CBFB: variants seen among roughly 807,000 people sequenced by gnomAD.
The protein encoded by CBFB is core-binding factor subunit beta.
CBFB carries 9 observed loss-of-function variants against 30.4 expected under a neutral mutation model. That is an observed-to-expected ratio of 0.30 (90% CI 0.18 to 0.52). CBFB has a LOEUF of 0.52. Among genes scored for constraint, CBFB ranks in the 20% least tolerant of loss-of-function variants. CBFB has a pLI of 0.97. For synonymous variants in CBFB, 94 were observed against 84.0 expected (o/e 1.12, Z -0.65); for missense variants, 170 against 244.0 (o/e 0.70, Z 2.02).
Position 67,053,008 on chromosome 16 carries a change from CA to C in CBFB, c.283-13660del, listed in dbSNP as rs574234817. Reference sequence around the variant, plus strand: ...CATACCACAGAGCAAGATGCTATCTCAAAAAAAAAAAAAAGAAAAAAAGAGA... The same window carrying C: ...CATACCACAGAGCAAGATGCTATCTCAAAAAAAAAAAAAGAAAAAAAGAGA... On this transcript the variant is annotated intron_variant, in intron 3 of 5. Transcript: ENST00000412916. Among the ~76,000 whole-genome samples, 475 of 121,818 alleles carry C rather than the reference CA, an allele frequency of 3.9e-3. 1 individual carries two copies. The highest frequency in any genetic ancestry group is 4.9e-3 in the Non-Finnish European group (282 of 57,274). 79.9% of individuals were successfully genotyped at this position (121,818 alleles called of 152,430 possible).
chr16:67,087,209 T>G (rs1017659260), intron 5 of CBFB, among the ~76,000 whole-genome samples: 3 of 152,228 alleles, frequency 2.0e-5, no homozygotes, highest in Non-Finnish European at 4.4e-5. Flanking sequence ...ATGGAACAAC[T>G]GTTGAAAGCT....
chr16:67,058,054 A>C (rs775240215), intron 3 of CBFB, among the ~76,000 whole-genome samples: 3 of 152,192 alleles, frequency 2.0e-5, no homozygotes, highest in Non-Finnish European at 4.4e-5. Flanking sequence ...ATTTTGTTGA[A>C]GATTACTTTG....
At chr16:67,091,235 G>A (rs1961872202) in intron 5 of CBFB, among the ~76,000 whole-genome samples, 1 of 152,176 alleles carries the variant, frequency 6.6e-6, no homozygotes, top group South Asian at 2.1e-4. Context: ...ACTTTATTAA[G>A]ATTTATTTTT....
rs184995855 is a variant in CBFB at position 67,057,357 on chromosome 16, G to T, written c.283-9325G>T. Among the ~76,000 whole-genome samples, 220 of 152,296 alleles carry T rather than the reference G, an allele frequency of 1.4e-3. 3 individuals carry two copies. Among genetic ancestry groups the T allele is most frequent in the Non-Finnish European group, 2.0e-3 (135 of 68,026 alleles). On this transcript the variant is annotated intron_variant, in intron 3 of 5. Transcript: ENST00000412916. ...CAGCTCATTATCATTGGGCGTCTAGGTTATTTCTGATCATTTACCATTATT... is the reference window on the plus strand; with the variant it reads ...CAGCTCATTATCATTGGGCGTCTAGTTTATTTCTGATCATTTACCATTATT...
intron 2 of CBFB, among the ~76,000 whole-genome samples, chr16:67,032,887 G>A (rs1016819354): frequency 1.3e-5 from 2 of 152,162 alleles, no homozygotes; most frequent in Admixed American, 6.5e-5. Flanking sequence ...GTATCAGTGA[G>A]GTTAATGAAG....
intron 4 of CBFB, among the ~76,000 whole-genome samples, chr16:67,080,047 A>T (rs1289341886): frequency 6.6e-6 from 1 of 152,178 alleles, no homozygotes; most frequent in East Asian, 1.9e-4. Context: ...AGCAGAGATC[A>T]CACTGCTGTA....
chr16:67,079,991 G>A (rs1029789268), intron 4 of CBFB, among the ~76,000 whole-genome samples: 6 of 152,076 alleles, frequency 3.9e-5, no homozygotes, highest in African/African-American at 1.2e-4. Context: ...CCAGCTACTC[G>A]GGAGGCTGAA....
chr16:67,033,613 CT>C (rs1186367448), intron 2 of CBFB, among the ~76,000 whole-genome samples: 8,799 of 139,568 alleles, frequency 0.063, 352 homozygotes, highest in African/African-American at 0.13. Context: ...CTTATCAATT[CT>C]TTTTTTTTTT....
At chr16:67,034,510 A>G (rs1361993081) in intron 2 of CBFB, among the ~76,000 whole-genome samples, 2 of 152,230 alleles carry the variant, frequency 1.3e-5, no homozygotes, top group East Asian at 3.8e-4. Flanking sequence ...TCATTAAAAG[A>G]ATTCCATGGT....
At chr16:67,041,390 T>A (rs948916876) in intron 3 of CBFB, among the ~76,000 whole-genome samples, 2 of 152,172 alleles carry the variant, frequency 1.3e-5, no homozygotes, top group South Asian at 4.1e-4. Context: ...GTAGAGGTAG[T>A]GAGAAATGGT....
chr16:67,042,991 C>CTCCCAAAGTGCTGGCCA, intron 3 of CBFB, among the ~76,000 whole-genome samples: 1 of 152,316 alleles, frequency 6.6e-6, no homozygotes, highest in South Asian at 2.1e-4. Flanking sequence ...CTGCCTCAGC[C>CTCCCAAAGTGCTGGCCA]TCCCAAAGTG....
At chr16:67,079,121 A>G (rs1230810543) in intron 4 of CBFB, among the ~76,000 whole-genome samples, 2 of 152,218 alleles carry the variant, frequency 1.3e-5, no homozygotes, top group Non-Finnish European at 2.9e-5. Flanking sequence ...CAAATGTTTG[A>G]ATTTTATGTA....
intron 3 of CBFB, 110 bp from the exon 4 acceptor site, chr16:67,066,572 A>T: frequency 1.8e-6 from 1 of 564,224 alleles, no homozygotes; most frequent in Non-Finnish European, 3.2e-6. Context: ...TCAATCAGTC[A>T]ATCATAATTT....
In CBFB at chr16:67,100,773, A is replaced by G. The variant is rs1350171512; in HGVS notation, c.*1995A>G. On this transcript the variant is annotated 3_prime_UTR_variant, in exon 6 of 6. Transcript: ENST00000412916. Reference sequence around the variant, plus strand: ...AATGTAAATACTGGATTTTTCTGTCATTTAGCACCATGCTGCTTCTGTCTG... The same window carrying G: ...AATGTAAATACTGGATTTTTCTGTCGTTTAGCACCATGCTGCTTCTGTCTG... 1 of 216,540 alleles carries G rather than the reference A, an allele frequency of 4.6e-6. No homozygotes were observed. Among genetic ancestry groups the G allele is most frequent in the African/African-American group, 2.3e-5 (1 of 44,398 alleles). The allele number at this position is 216,540 out of a possible 1,614,324, so 13.4% of individuals were successfully genotyped here.
At chr16:67,062,034 A>G (rs1221163935) in intron 3 of CBFB, among the ~76,000 whole-genome samples, 2 of 152,164 alleles carry the variant, frequency 1.3e-5, no homozygotes, top group African/African-American at 4.8e-5. Context: ...CTCCATCTCA[A>G]AAAACAAAGA....
intron 3 of CBFB, among the ~76,000 whole-genome samples, chr16:67,046,707 AC>A (rs547366817): frequency 7.9e-5 from 12 of 152,050 alleles, no homozygotes; most frequent in Non-Finnish European, 1.8e-4. Context: ...ATGCACTGAT[AC>A]TTTTGTGATC....
At chr16:67,034,365 A>G (rs1464646968) in intron 2 of CBFB, among the ~76,000 whole-genome samples, 1 of 152,218 alleles carries the variant, frequency 6.6e-6, no homozygotes, top group Non-Finnish European at 1.5e-5. Flanking sequence ...AATCTTAAAT[A>G]TAGGCGTCAT....
intron 5 of CBFB, among the ~76,000 whole-genome samples, chr16:67,082,704 A>C (rs981325691): frequency 1.3e-5 from 2 of 152,242 alleles, no homozygotes; most frequent in East Asian, 1.9e-4. Flanking sequence ...TTTTCTATGA[A>C]TATTTGTCTT....
At chr16:67,030,798 C>T (rs1966327904) in intron 2 of CBFB, among the ~76,000 whole-genome samples, 2 of 152,160 alleles carry the variant, frequency 1.3e-5, no homozygotes, top group African/African-American at 4.8e-5. Context: ...CGGGGTTTCA[C>T]CTTGTTGGCC....
Sources: allele counts gnomAD v4.1 joint callset (sites outside exome capture counted in the v4.1 genomes callset), GRCh38; gene constraint gnomAD v4.1.1; transcripts MANE v1.5; gene names NCBI Gene and HGNC (gene_info 2026-07-23, HGNC 2026-07-21).